Variants in LRP5 observed in about 807,000 individuals in gnomAD.
LRP5 encodes low-density lipoprotein receptor-related protein 5.
A neutral mutation model predicts 154.1 loss-of-function variants in LRP5; 62 were observed. That is an observed-to-expected ratio of 0.40 (90% CI 0.33 to 0.50). The LOEUF is 0.50. LRP5 is among the 20% of genes least tolerant of loss of function. The probability of loss-of-function intolerance (pLI) is 0.55; values close to 1 mark genes in which losing one functional copy is unlikely to be tolerated. For missense variants in LRP5, 1,915 were observed against 2,336.7 expected, an observed-to-expected ratio of 0.82 and a Z score of 3.72; for synonymous variants, 966 against 1,011.5, an observed-to-expected ratio of 0.96 and a Z score of 0.85.
At chr11:68,436,333 T>A (rs1232238962) in intron 18 of LRP5, among the ~76,000 whole-genome samples, 2 of 151,798 alleles carry the variant, frequency 1.3e-5, no homozygotes, top group Non-Finnish European at 2.9e-5. Flanking sequence ...TGGGTGGGCG[T>A]CTGGGGAGGG....
At chr11:68,438,273 T>G (rs1020062542) in intron 19 of LRP5, among the ~76,000 whole-genome samples, 173 bp from the exon 20 acceptor site, 2 of 152,104 alleles carry the variant, frequency 1.3e-5, no homozygotes, top group Non-Finnish European at 2.9e-5. Context: ...AAGGGCCACG[T>G]TACCCTGAGG....
At chr11:68,308,677 C>T (rs557881370), upstream of LRP5, among the ~76,000 whole-genome samples, 18 of 152,056 alleles carry the variant, frequency 1.2e-4, no homozygotes, top group Non-Finnish European at 2.1e-4. Context: ...CTCAAGGCTC[C>T]GGTTGGAGTC....
rs33958013 is a variant in LRP5 at position 68,409,955 on chromosome 11, C to T, written c.2133C>T (p.His711=). 3,389 of 1,613,958 alleles carry T rather than the reference C, an allele frequency of 2.1e-3. 79 individuals are homozygous for T. The African/African-American group carries it at 0.04, about 19-fold the overall frequency. Residue 711 remains histidine (H), a synonymous_variant, in exon 10 of 23, where the codon CAC becomes CAT. Coordinates refer to ENST00000294304, the MANE Select transcript of LRP5 (RefSeq NM_002335.4). ...TCATGAACGGGAGCTCGGTGGAGCACGTGGTGGAGTTTGGCCTTGACTACC... is the reference window on the plus strand; with the variant it reads ...TCATGAACGGGAGCTCGGTGGAGCATGTGGTGGAGTTTGGCCTTGACTACC... ...RAFMNGSSVE[H]VVEFGLDYPE... is the part of the protein sequence containing the mutation.
Position 68,443,569 on chromosome 11 carries a change from ATATATATATATATATATTTT to A in LRP5, c.4489-2865_4489-2846del, listed in dbSNP as rs1223361862. On this transcript the variant is annotated intron_variant, in intron 21 of 22. Coordinates refer to ENST00000294304, the MANE Select transcript of LRP5 (RefSeq NM_002335.4). The stretch of plus-strand genomic sequence containing the variant: ...CATATATATATATATATATATATAT[ATATATATATATATATATTTT>A]TTTTTTTTTTGGTTATGTTCAGAAA... Among the ~76,000 whole-genome samples the A allele has an allele frequency of 1.9e-3, 74 of 38,134 alleles. 3 individuals are homozygous for A. Among genetic ancestry groups the A allele is most frequent in the East Asian group, 0.012 (17 of 1,380 alleles). The allele number at this position is 38,134 out of a possible 152,430, so 25.0% of individuals were successfully genotyped here.
chr11:68,381,587 G>A (rs1273866901), intron 5 of LRP5, among the ~76,000 whole-genome samples: 1 of 152,180 alleles, frequency 6.6e-6, no homozygotes, highest in East Asian at 1.9e-4. Context: ...GAGGTCAGCA[G>A]CCCGCCTGGA....
intron 1 of LRP5, among the ~76,000 whole-genome samples, chr11:68,315,844 G>A (rs1427132842): frequency 1.3e-5 from 2 of 152,264 alleles, no homozygotes; most frequent in Non-Finnish European, 2.9e-5. Flanking sequence ...GATCCACAAG[G>A]CAGCGGAAGC....
intron 5 of LRP5, among the ~76,000 whole-genome samples, chr11:68,382,906 C>G (rs2098641058): frequency 6.6e-6 from 1 of 150,774 alleles, no homozygotes; most frequent in South Asian, 2.1e-4. Flanking sequence ...GAGACAAAGT[C>G]TCACCCCAAC....
chr11:68,409,492 G>A (rs1350729412), intron 9 of LRP5, among the ~76,000 whole-genome samples: 2 of 151,550 alleles, frequency 1.3e-5, no homozygotes, highest in Non-Finnish European at 2.9e-5. Flanking sequence ...TGGTGATCTG[G>A]TCCAGAATGT....
chr11:68,370,533 G>A (rs78789990), intron 5 of LRP5, among the ~76,000 whole-genome samples: 15,595 of 152,196 alleles, frequency 0.1, 1,081 homozygotes, highest in Admixed American at 0.24. Flanking sequence ...GGGTTGGACC[G>A]CTGGACTAGC....
At chr11:68,339,811 G>A (rs1280377655) in intron 1 of LRP5, among the ~76,000 whole-genome samples, 3 of 152,304 alleles carry the variant, frequency 2.0e-5, no homozygotes, top group African/African-American at 4.8e-5. Flanking sequence ...ACCTGTATGT[G>A]TACATACATG....
chr11:68,419,832 G>A (rs755975091), intron 13 of LRP5, among the ~76,000 whole-genome samples: 3 of 151,776 alleles, frequency 2.0e-5, no homozygotes, highest in South Asian at 2.1e-4. Context: ...GTGAGCCACC[G>A]TGCCCGGCCT....
Position 68,413,748 on chromosome 11 carries a change from A to G in LRP5, c.2563A>G (p.Ser855Gly). The part of the protein sequence containing the change: ...LPHPFGLTQY[S>G]DYIYWTDWNL... ...GCACCCGTTCGGTCTGACGCAGTAC[A>G]GCGATTATATCTACTGGACAGACTG... is the stretch of plus-strand genomic sequence containing the variant. The change falls in exon 12 of 23, where the codon AGC becomes GGC. Residue 855 changes from serine to glycine, a missense_variant. Physicochemically the swap from Ser to Gly is moderately conservative, Grantham distance 56. Around this residue, in one of 3 missense-constraint regions of LRP5, gnomAD observed 1,094 missense variants for 1,210.1 expected, o/e 0.90. Coordinates refer to ENST00000294304, the MANE Select transcript of LRP5 (RefSeq NM_002335.4). The surrounding 1 kb of genome is among the most constrained non-coding windows in gnomAD (Gnocchi z 5.1). 1 of 1,613,836 alleles carries G rather than the reference A, an allele frequency of 6.2e-7. No individual in the cohort carries two copies. The highest frequency in any genetic ancestry group is 8.5e-7 in the Non-Finnish European group (1 of 1,179,976).
At chr11:68,299,873 G>A in the LRP5 span, among the ~76,000 whole-genome samples, 2 of 148,534 alleles carry the variant, frequency 1.3e-5, no homozygotes, top group Non-Finnish European at 3.0e-5. Context: ...GCGAGCCATC[G>A]CGCTCCGCCT....
intron 2 of LRP5, among the ~76,000 whole-genome samples, chr11:68,356,341 G>A (rs999890380): frequency 6.6e-6 from 1 of 151,626 alleles, no homozygotes; most frequent in Admixed American, 6.6e-5. Flanking sequence ...TTGTAGAGGT[G>A]GGATTTTGCC....
intron 18 of LRP5, among the ~76,000 whole-genome samples, chr11:68,435,130 G>A (rs565575992): frequency 6.6e-6 from 1 of 152,344 alleles, no homozygotes; most frequent in African/African-American, 2.4e-5. Flanking sequence ...GAGTGGTTAT[G>A]CTGGAGACCT....
intron 12 of LRP5, among the ~76,000 whole-genome samples, chr11:68,415,270 C>T (rs1261401688): frequency 6.6e-6 from 1 of 152,156 alleles, no homozygotes; most frequent in African/African-American, 2.4e-5. Flanking sequence ...TGCTCACTGA[C>T]ACCCTCGAGG....
the LRP5 span, among the ~76,000 whole-genome samples, chr11:68,302,213 G>A: frequency 6.6e-6 from 1 of 151,716 alleles, no homozygotes; most frequent in Non-Finnish European, 1.5e-5. Context: ...TGGGCGTGGT[G>A]GTGCCACCTG....
At position 68,336,121 on chromosome 11, in the gene LRP5, T is replaced by C. The variant is rs765037745; in HGVS notation, c.92-11726T>C. ...CCAGGTCTGGGTTTCTGAATACCAT[T>C]CTCCACCCAAAGGAGTCAGAGCTTG... On this transcript the variant is annotated intron_variant, in intron 1 of 22. Coordinates refer to ENST00000294304, the MANE Select transcript of LRP5 (RefSeq NM_002335.4). Among the ~76,000 whole-genome samples the C allele has an allele frequency of 4.6e-5, 7 of 152,146 alleles. No individual in the cohort carries two copies. The South Asian group carries it at 6.2e-4, about 14-fold the overall frequency.
At chr11:68,345,834 A>G (rs1375122051) in intron 1 of LRP5, among the ~76,000 whole-genome samples, 6 of 151,992 alleles carry the variant, frequency 3.9e-5, no homozygotes, top group Non-Finnish European at 8.8e-5. Flanking sequence ...AACACTTGCT[A>G]TTTTGTTTTT....
Sources: gnomAD v4.1 joint callset for allele counts (sites outside exome capture counted in the v4.1 genomes callset) on GRCh38, gnomAD v4.1.1 for gene constraint, gnomAD v4.1.1 regional missense constraint, Gnocchi (gnomAD v3.1) non-coding constraint, MANE v1.5 for transcripts, NCBI Gene and HGNC (gene_info 2026-07-23, HGNC 2026-07-21) for gene names.